Variants in SMOC2 observed in about 807,000 individuals in gnomAD.
The protein encoded by SMOC2 is SPARC-related modular calcium-binding protein 2.
SMOC2 carries 39 observed loss-of-function variants against 61.4 expected under a neutral mutation model. The ratio of observed to expected loss-of-function variants is 0.64; its 90% CI spans 0.49 to 0.83. The LOEUF (loss-of-function observed/expected upper bound fraction) is 0.83. Ranked by LOEUF, SMOC2 falls within the 40% of genes least tolerant of loss-of-function variation. The pLI, the probability that SMOC2 is intolerant of heterozygous loss-of-function variation, is 0.00. For missense variants in SMOC2, 556 were observed against 592.9 expected, an observed-to-expected ratio of 0.94 and a Z score of 0.65; for synonymous variants, 247 against 239.9, an observed-to-expected ratio of 1.03 and a Z score of -0.27.
chr6:168,574,006 G>A (rs930240423), intron 7 of SMOC2, among the ~76,000 whole-genome samples: 4 of 152,220 alleles, frequency 2.6e-5, no homozygotes, highest in Admixed American at 1.3e-4. Context: ...GGGTGGACCC[G>A]GGCCTTGCGC....
At chr6:168,505,007 T>C (rs926282765) in intron 1 of SMOC2, among the ~76,000 whole-genome samples, 2 of 152,270 alleles carry the variant, frequency 1.3e-5, no homozygotes, top group Admixed American at 1.3e-4. Context: ...AGATGCGAGA[T>C]GAATGAGTGA....
intron 7 of SMOC2, among the ~76,000 whole-genome samples, chr6:168,595,319 C>G (rs1485264787): frequency 6.6e-6 from 1 of 152,220 alleles, no homozygotes. Flanking sequence ...CCCCATGCGC[C>G]TCCCCAAGAC....
At chr6:168,516,539 C>T (rs1350060308) in intron 2 of SMOC2, among the ~76,000 whole-genome samples, 2 of 152,144 alleles carry the variant, frequency 1.3e-5, no homozygotes. Context: ...TCTAACTTCA[C>T]CTGTCGCTCT....
At chr6:168,527,175 G>C (rs1783475706) in intron 3 of SMOC2, among the ~76,000 whole-genome samples, 1 of 152,184 alleles carries the variant, frequency 6.6e-6, no homozygotes, top group Non-Finnish European at 1.5e-5. Context: ...GAGAGAGAGA[G>C]GAGCTGGAGC....
At chr6:168,575,832 G>GC in intron 7 of SMOC2, among the ~76,000 whole-genome samples, 1 of 150,946 alleles carries the variant, frequency 6.6e-6, no homozygotes, top group African/African-American at 2.5e-5. Flanking sequence ...GAAGATGACC[G>GC]ACTTCCTTGA....
chr6:168,500,875 C>T (rs954016397), intron 1 of SMOC2, among the ~76,000 whole-genome samples: 3 of 152,182 alleles, frequency 2.0e-5, no homozygotes, highest in Non-Finnish European at 4.4e-5. Context: ...ATAAGAAGCA[C>T]TTTTGTAGCT....
chr6:168,640,777 G>A (rs541740032), intron 9 of SMOC2, among the ~76,000 whole-genome samples: 2 of 152,332 alleles, frequency 1.3e-5, no homozygotes, highest in South Asian at 4.1e-4. Context: ...AGTAAAAACA[G>A]ATTAGGAGTC....
At chr6:168,515,958 A>G (rs546359321) in intron 2 of SMOC2, among the ~76,000 whole-genome samples, 3 of 152,208 alleles carry the variant, frequency 2.0e-5, no homozygotes, top group Non-Finnish European at 4.4e-5. Context: ...ATAAACCTCC[A>G]GGTTTTCTCT....
chr6:168,640,222 G>A (rs565054998), intron 9 of SMOC2, among the ~76,000 whole-genome samples: 4 of 147,514 alleles, frequency 2.7e-5, no homozygotes, highest in Admixed American at 1.4e-4. Context: ...CTTGTGTTGC[G>A]GTTGTGTTGT....
chr6:168,631,613 C>T (rs1404405086), intron 9 of SMOC2, among the ~76,000 whole-genome samples: 1 of 152,180 alleles, frequency 6.6e-6, no homozygotes. Context: ...AAAAGCTTTT[C>T]TTGAAGGAAT....
chr6:168,458,014 C>A (rs1021751173), intron 1 of SMOC2, among the ~76,000 whole-genome samples: 1 of 152,212 alleles, frequency 6.6e-6, no homozygotes. Context: ...GAGACACACT[C>A]TCACGTGGAA....
rs561028695 is a variant in SMOC2 at position 168,599,089 on chromosome 6, AAC to A, written c.824+92_824+93del. On this transcript the variant is annotated intron_variant, in intron 8 of 12. Transcript: ENST00000356284. ...GGAAAGCAGAACCCCCACTTCCCCCAACACACACCGACACACAGTCACACACA... is the reference window on the plus strand; with the variant it reads ...GGAAAGCAGAACCCCCACTTCCCCCAACACACCGACACACAGTCACACACA... The A allele has an allele frequency of 4.5e-5, 56 of 1,249,072 alleles. No individual in the cohort carries two copies. In the African/African-American group the frequency reaches 6.7e-4, roughly 15 times the overall value. The allele number at this position is 1,249,072 out of a possible 1,614,324, so 77.4% of individuals were successfully genotyped here.
chr6:168,654,143 TGTAC>T (rs1787275993), intron 11 of SMOC2, among the ~76,000 whole-genome samples: 2 of 88,748 alleles, frequency 2.3e-5, no homozygotes, highest in Admixed American at 9.6e-5. Context: ...TCACCAACCC[TGTAC>T]CTGAGCTCCA....
At chr6:168,539,665 G>A (rs954385120) in intron 4 of SMOC2, among the ~76,000 whole-genome samples, 7 of 152,228 alleles carry the variant, frequency 4.6e-5, no homozygotes, top group Non-Finnish European at 1.0e-4. Flanking sequence ...GGTGGGGCTT[G>A]CAGGGGGGCA....
chr6:168,568,150 G>A (rs939302001), intron 7 of SMOC2, among the ~76,000 whole-genome samples: 6 of 151,558 alleles, frequency 4.0e-5, no homozygotes, highest in Admixed American at 2.0e-4. Context: ...GGTGTGAGTC[G>A]GTGTCTCATA....
At chr6:168,443,452 T>A (rs1052812019) in intron 1 of SMOC2, among the ~76,000 whole-genome samples, 1 of 152,238 alleles carries the variant, frequency 6.6e-6, no homozygotes, top group East Asian at 1.9e-4. Flanking sequence ...GGCTTTGCCC[T>A]GTTGGCTGCA....
chr6:168,544,915 A>G lies in SMOC2; in HGVS notation c.511+1243A>G, dbSNP rs1409998369. 1.3e-5 allele frequency among the ~76,000 whole-genome samples: 2 copies of G among 152,158 alleles called. No individual in the cohort carries two copies. The highest frequency in any genetic ancestry group is 2.9e-5 in the Non-Finnish European group (2 of 68,030). Reference sequence around the variant, plus strand: ...GGACTGGCTTCCTGGAAGGGGAAATATGTAACAGGTGTGAGCTGGAACAGA... The same window carrying G: ...GGACTGGCTTCCTGGAAGGGGAAATGTGTAACAGGTGTGAGCTGGAACAGA... On this transcript the variant is annotated intron_variant, in intron 5 of 12. Coordinates refer to ENST00000356284, the MANE Select transcript of SMOC2 (RefSeq NM_001166412.2). This position sits in a 1 kb window ranked among gnomAD's most constrained non-coding sequence, Gnocchi z 4.1.
rs1225600308 is a variant in SMOC2, at chr6:168,652,627, C to T, written c.1011-327C>T. 3.9e-5 allele frequency among the ~76,000 whole-genome samples: 6 copies of T among 152,174 alleles called. No individual in the cohort carries two copies. In the East Asian group the frequency reaches 7.7e-4, roughly 20 times the overall value. On this transcript the variant is annotated intron_variant, in intron 10 of 12. Transcript: ENST00000356284. ...AGAAAAGCTCAGGGTTCTGGTGTGT[C>T]GGGCGGGTATAGCTGCATGTGCTGA...
At position 168,458,664 on chromosome 6, in the gene SMOC2, C is replaced by T. The variant is rs188361123; in HGVS notation, c.84+17210C>T. 5.1e-4 allele frequency among the ~76,000 whole-genome samples: 78 copies of T among 152,224 alleles called. 2 individuals carry two copies. In the East Asian group the frequency reaches 9.5e-3, roughly 19 times the overall value. ...TCCTGGGCCAGCTTGCACCCCTGTC[C>T]GGGCCGTCTTCCTGCTCGAGATGTG... is the stretch of plus-strand genomic sequence containing the variant. On this transcript the variant is annotated intron_variant, in intron 1 of 12. Transcript: ENST00000356284.
Sources: gnomAD v4.1 joint callset for allele counts (sites outside exome capture counted in the v4.1 genomes callset) on GRCh38, gnomAD v4.1.1 for gene constraint, Gnocchi (gnomAD v3.1) non-coding constraint, MANE v1.5 for transcripts, NCBI Gene and HGNC (gene_info 2026-07-23, HGNC 2026-07-21) for gene names.